The following BTBD10 variants were observed in gnomAD, a reference collection of about 807,000 sequenced individuals.
The protein encoded by BTBD10 is BTB domain containing 10, also known as BTB/POZ domain-containing protein 10.
BTBD10 carries 21 observed loss-of-function variants against 53.2 expected under a neutral mutation model. The observed-to-expected ratio is 0.39, with a 90% confidence interval of 0.28 to 0.57. BTBD10 has a LOEUF of 0.57. Ranked by LOEUF, BTBD10 falls within the 20% of genes least tolerant of loss-of-function variation. The pLI is 0.53. For synonymous variants in BTBD10, 149 were observed against 192.7 expected (o/e 0.77, Z 1.88); for missense variants, 360 against 594.7 (o/e 0.61, Z 4.10).
chr11:13,402,979 A>G (rs1949744568), intron 8 of BTBD10, among the ~76,000 whole-genome samples, 189 bp downstream of exon 8: 1 of 152,142 alleles, frequency 6.6e-6, no homozygotes. Flanking sequence ...AACAATTTCT[A>G]ATGGCCTTTT....
At chr11:13,400,432 A>G (rs1949685916) in intron 8 of BTBD10, among the ~76,000 whole-genome samples, 1 of 152,202 alleles carries the variant, frequency 6.6e-6, no homozygotes, top group Non-Finnish European at 1.5e-5. Context: ...CCGATTTTCC[A>G]GGTGCTGTCT....
At position 13,428,391 on chromosome 11, in the gene BTBD10, T is replaced by C. The variant is rs564086010; in HGVS notation, c.102-6553A>G. Among the ~76,000 whole-genome samples the C allele has an allele frequency of 4.6e-5, 7 of 152,218 alleles. No homozygotes were observed. The East Asian group carries it at 1.4e-3, about 29-fold the overall frequency. On this transcript the variant is annotated intron_variant, in intron 2 of 8. Coordinates refer to ENST00000278174, the MANE Select transcript of BTBD10 (RefSeq NM_032320.7). ...AGAAATAATATCACCCCTACACAGC[T>C]CTTCCAGAAAATTGATGAGAAGATA...
Position 13,443,254 on chromosome 11 carries a change from A to C in BTBD10, c.101+1770T>G, listed in dbSNP as rs865984594. 5.9e-5 allele frequency among the ~76,000 whole-genome samples: 9 copies of C among 152,042 alleles called. No homozygotes were observed. The South Asian group carries it at 1.9e-3, about 31-fold the overall frequency. On this transcript the variant is annotated intron_variant, in intron 2 of 8. Coordinates refer to ENST00000278174, the MANE Select transcript of BTBD10 (RefSeq NM_032320.7). ...GACAGAGTGAGAACCCATTTCAAAA[A>C]AAAAAAAGAATAAAAACAGCACTAA...
chr11:13,396,696 T>C (rs183456574), intron 8 of BTBD10, among the ~76,000 whole-genome samples: 1 of 152,222 alleles, frequency 6.6e-6, no homozygotes, highest in Non-Finnish European at 1.5e-5. Context: ...ATAGCTCTTA[T>C]TATTTTGAGA....
At chr11:13,397,184 G>T (rs1032744087) in intron 8 of BTBD10, among the ~76,000 whole-genome samples, 52 of 152,270 alleles carry the variant, frequency 3.4e-4, no homozygotes, top group Admixed American at 7.8e-4. Context: ...ACTTTTTTTA[G>T]TTGGTAAGCT....
rs115720504 is a variant in BTBD10 at position 13,415,919 on chromosome 11, G to A, written c.687+1239C>T. Among the ~76,000 whole-genome samples, 1,008 of 151,440 alleles carry A rather than the reference G, an allele frequency of 6.7e-3. 15 individuals are homozygous for A. Among genetic ancestry groups the A allele is most frequent in the African/African-American group, 0.022 (913 of 41,286 alleles). On this transcript the variant is annotated intron_variant, in intron 5 of 8. Coordinates refer to ENST00000278174, the MANE Select transcript of BTBD10 (RefSeq NM_032320.7). ...CATCCACCTGCCTTGGTCTCTTAGCGTGCTGGGATTATAGGCATGAACCAC... is the reference window on the plus strand; with the variant it reads ...CATCCACCTGCCTTGGTCTCTTAGCATGCTGGGATTATAGGCATGAACCAC...
intron 8 of BTBD10, among the ~76,000 whole-genome samples, chr11:13,398,272 A>G (rs1949611821): frequency 1.3e-5 from 2 of 152,098 alleles, no homozygotes; most frequent in South Asian, 4.2e-4. Flanking sequence ...CTTCTTGTTG[A>G]ATTGATCCCT....
intron 8 of BTBD10, among the ~76,000 whole-genome samples, chr11:13,399,059 C>A (rs527814471): frequency 6.6e-6 from 1 of 152,088 alleles, no homozygotes; most frequent in Non-Finnish European, 1.5e-5. Flanking sequence ...ATCTTTGTGG[C>A]GTTCTCTGTA....
chr11:13,448,303 C>T (rs1364368170), intron 1 of BTBD10, among the ~76,000 whole-genome samples: 1 of 152,124 alleles, frequency 6.6e-6, no homozygotes, highest in Non-Finnish European at 1.5e-5. Flanking sequence ...CTCATTAAAT[C>T]TTGGTGTTTA....
intron 2 of BTBD10, among the ~76,000 whole-genome samples, chr11:13,432,153 T>C (rs905047124): frequency 4.6e-5 from 7 of 152,044 alleles, no homozygotes; most frequent in African/African-American, 1.7e-4. Flanking sequence ...GTTCTCAAAA[T>C]GACAAACTTA....
intron 1 of BTBD10, among the ~76,000 whole-genome samples, chr11:13,448,039 A>T (rs1468369750): frequency 6.6e-6 from 1 of 152,150 alleles, no homozygotes; most frequent in Non-Finnish European, 1.5e-5. Context: ...TAATCTCTTC[A>T]GTTTTAACCA....
rs148574457 is a variant in BTBD10 at position 13,400,505 on chromosome 11, G to A, written c.1117+2663C>T. Among the ~76,000 whole-genome samples, 336 of 152,262 alleles carry A rather than the reference G, an allele frequency of 2.2e-3. 1 individual carries two copies. The highest frequency in any genetic ancestry group is 7.6e-3 in the African/African-American group (317 of 41,556). ...ACCCCTTGTGCTTCCCAGGTGAGGC[G>A]ATGCCTCGCCCTGCTTCGGCTCACG... On this transcript the variant is annotated intron_variant, in intron 8 of 8. Transcript: ENST00000278174.
chr11:13,419,557 T>C lies in BTBD10; in HGVS notation c.487A>G (p.Ile163Val). The C allele has an allele frequency of 7.4e-6, 12 of 1,614,182 alleles. No homozygotes were observed. The highest frequency in any genetic ancestry group is 1.1e-5 in the South Asian group (1 of 91,086). Residue 163 changes from isoleucine (I) to valine (V), a missense_variant, in exon 4 of 9, where the codon ATA becomes GTA. By Grantham distance (29) the Ile-to-Val change is conservative (BLOSUM62 3). Coordinates refer to ENST00000278174, the MANE Select transcript of BTBD10 (RefSeq NM_032320.7). ...YENAKEGARN[I>V]RTSERVTLIV... The stretch of plus-strand genomic sequence containing the variant: ...AGTGTCACTCGTTCTGACGTTCTTA[T>C]ATTCCGAGCTCCTTCTTTTGCATTT...
chr11:13,449,557 T>C (rs1257806937), intron 1 of BTBD10, among the ~76,000 whole-genome samples: 1 of 152,142 alleles, frequency 6.6e-6, no homozygotes, highest in Non-Finnish European at 1.5e-5. Context: ...ACCTCAGCCA[T>C]CTTGTGGCTT....
intron 2 of BTBD10, among the ~76,000 whole-genome samples, chr11:13,439,296 T>G (rs1447738889): frequency 4.6e-5 from 7 of 152,064 alleles, no homozygotes; most frequent in Non-Finnish European, 1.0e-4. Flanking sequence ...ATTTAGAAAT[T>G]TTGTCTGGTT....
Position 13,426,575 on chromosome 11 carries a change from G to A in BTBD10, c.102-4737C>T, listed in dbSNP as rs188479580. On this transcript the variant is annotated intron_variant, in intron 2 of 8. Coordinates refer to ENST00000278174, the MANE Select transcript of BTBD10 (RefSeq NM_032320.7). Reference sequence around the variant, plus strand: ...ATATAACTAGAGTAGCACAAAGTCTGGGAGAAAGAAATGCAAGTATACTTT... The same window carrying A: ...ATATAACTAGAGTAGCACAAAGTCTAGGAGAAAGAAATGCAAGTATACTTT... Among the ~76,000 whole-genome samples, 169 of 152,160 alleles carry A rather than the reference G, an allele frequency of 1.1e-3. 4 individuals carry two copies. The highest frequency in any genetic ancestry group is 3.2e-4 in the Non-Finnish European group (22 of 67,980).
chr11:13,442,630 T>TA (rs1401660380), intron 2 of BTBD10, among the ~76,000 whole-genome samples: 1 of 152,196 alleles, frequency 6.6e-6, no homozygotes, highest in Non-Finnish European at 1.5e-5. Context: ...CTCAAGCTGA[T>TA]AATTATTCTT....
At chr11:13,422,114 G>A (rs556292332) in intron 2 of BTBD10, among the ~76,000 whole-genome samples, 3 of 152,194 alleles carry the variant, frequency 2.0e-5, no homozygotes, top group Non-Finnish European at 4.4e-5. Context: ...AGAAGTTGTA[G>A]TAATAATAGT....
At chr11:13,419,417 G>A in intron 4 of BTBD10, 43 bp downstream of exon 4, 1 of 1,581,782 alleles carries the variant, frequency 6.3e-7, no homozygotes, top group Non-Finnish European at 8.5e-7. Context: ...GGCAGTAAAA[G>A]CACATTATAA....
Sources: gnomAD v4.1 joint callset for allele counts (sites outside exome capture counted in the v4.1 genomes callset) on GRCh38, gnomAD v4.1.1 for gene constraint, MANE v1.5 for transcripts, NCBI Gene and HGNC (gene_info 2026-07-23, HGNC 2026-07-21) for gene names.